Variants in MCU observed in about 807,000 individuals in gnomAD.
MCU encodes calcium uniporter protein, mitochondrial.
Under a neutral mutation model 45.2 loss-of-function variants are expected in MCU, and 12 were observed. That is an observed-to-expected ratio of 0.27 (90% CI 0.17 to 0.43). MCU has a LOEUF of 0.43. Among genes scored for constraint, MCU ranks in the 20% least tolerant of loss-of-function variants. The pLI is 1.00. For missense variants in MCU, 324 were observed against 436.7 expected, an observed-to-expected ratio of 0.74 and a Z score of 2.30; for synonymous variants, 160 against 165.1, an observed-to-expected ratio of 0.97 and a Z score of 0.24.
At chr10:72,854,499 A>AG (rs1845257332) in intron 2 of MCU, among the ~76,000 whole-genome samples, 1 of 152,202 alleles carries the variant, frequency 6.6e-6, no homozygotes, top group African/African-American at 2.4e-5. Context: ...GAATGCAAGC[A>AG]GGGGGAATGG....
intron 1 of MCU, among the ~76,000 whole-genome samples, chr10:72,818,594 CT>C (rs1013847867): frequency 6.6e-6 from 1 of 152,142 alleles, no homozygotes; most frequent in Non-Finnish European, 1.5e-5. Context: ...AATCCCAACA[CT>C]TTGGGAGGCC....
chr10:72,808,711 C>T (rs551592430), intron 1 of MCU, among the ~76,000 whole-genome samples: 54 of 152,196 alleles, frequency 3.5e-4, no homozygotes, highest in South Asian at 1.0e-3. Flanking sequence ...GGCTGGGAGG[C>T]GGAATCATGG....
chr10:72,757,242 G>T (rs1589446838), intron 1 of MCU, among the ~76,000 whole-genome samples: 1 of 152,170 alleles, frequency 6.6e-6, no homozygotes, highest in Non-Finnish European at 1.5e-5. Context: ...AGGAGATGGT[G>T]AGGTAATGTA....
chr10:72,837,896 C>T (rs147497721), intron 2 of MCU, among the ~76,000 whole-genome samples: 8,187 of 142,268 alleles, frequency 0.058, 785 homozygotes, highest in African/African-American at 0.2. Context: ...CTCACTCTGT[C>T]GCCAGGCTGG....
intron 1 of MCU, among the ~76,000 whole-genome samples, chr10:72,825,677 T>C (rs1024117518): frequency 1.3e-5 from 2 of 152,214 alleles, no homozygotes; most frequent in Non-Finnish European, 2.9e-5. Context: ...AAGTAATTGA[T>C]AGACAAGGCC....
At chr10:72,709,403 T>G (rs984444960) in intron 1 of MCU, among the ~76,000 whole-genome samples, 5 of 152,256 alleles carry the variant, frequency 3.3e-5, no homozygotes, top group Admixed American at 1.3e-4. Flanking sequence ...AGTAAAAATC[T>G]AATGAGAAGA....
intron 1 of MCU, among the ~76,000 whole-genome samples, chr10:72,702,929 C>A (rs557089637): frequency 1.3e-5 from 2 of 150,428 alleles, no homozygotes; most frequent in Admixed American, 1.3e-4. Context: ...AGTGAGCTGA[C>A]ATGGTGCCAT....
chr10:72,766,764 G>A (rs931645127), intron 1 of MCU: 2 of 152,020 alleles, frequency 1.3e-5, no homozygotes, highest in East Asian at 1.9e-4. Context: ...GTTGTTTAAC[G>A]CTCTGTCAGT....
chr10:72,778,507 T>TA (rs1843934969), intron 1 of MCU, among the ~76,000 whole-genome samples: 1 of 152,026 alleles, frequency 6.6e-6, no homozygotes, highest in African/African-American at 2.4e-5. Flanking sequence ...GAATGGTAGT[T>TA]ACAGAGGCTG....
intron 1 of MCU, among the ~76,000 whole-genome samples, chr10:72,777,155 C>T (rs1160999382): frequency 1.3e-5 from 2 of 152,118 alleles, no homozygotes; most frequent in Non-Finnish European, 1.5e-5. Context: ...TCAGTGCAAT[C>T]CCTATCAAAA....
intron 6 of MCU, among the ~76,000 whole-genome samples, chr10:72,876,718 G>A (rs990417799): frequency 1.5e-4 from 23 of 152,190 alleles, no homozygotes; most frequent in Admixed American, 7.2e-4. Flanking sequence ...AATTTTACAC[G>A]ATTTCCATCA....
chr10:72,798,703 A>G (rs1247400187), intron 1 of MCU, among the ~76,000 whole-genome samples: 2 of 152,062 alleles, frequency 1.3e-5, no homozygotes, highest in African/African-American at 4.8e-5. Context: ...TCAAAATAAT[A>G]CAGAAGTGTT....
intron 4 of MCU, among the ~76,000 whole-genome samples, chr10:72,866,486 C>G (rs1845458847): frequency 6.6e-6 from 1 of 152,066 alleles, no homozygotes; most frequent in Non-Finnish European, 1.5e-5. Flanking sequence ...CAACCTCTGC[C>G]TCTGGGTTCA....
chr10:72,766,442 G>C (rs1843727949), intron 1 of MCU: 1 of 152,146 alleles, frequency 6.6e-6, no homozygotes, highest in South Asian at 2.1e-4. Context: ...AAATATGCAA[G>C]AAAAAGACAA....
At chr10:72,715,822 G>A (rs561861627) in intron 1 of MCU, 2 of 976,408 alleles carry the variant, frequency 2.0e-6, no homozygotes, top group Admixed American at 6.1e-5. Context: ...TAACAACCAT[G>A]TAAGGGAGAG....
chr10:72,761,474 C>T (rs1843655891), intron 1 of MCU, among the ~76,000 whole-genome samples: 1 of 152,180 alleles, frequency 6.6e-6, no homozygotes, highest in Non-Finnish European at 1.5e-5. Flanking sequence ...TACCTTTTCT[C>T]ACCTTGTCAC....
chr10:72,757,124 C>G (rs571179281), intron 1 of MCU: 5 of 152,102 alleles, frequency 3.3e-5, no homozygotes, highest in African/African-American at 1.2e-4. Flanking sequence ...GTGGTTTTAT[C>G]AGTCAGGGTC....
At chr10:72,863,910 C>T (rs1023883769) in intron 4 of MCU, among the ~76,000 whole-genome samples, 8 of 152,176 alleles carry the variant, frequency 5.3e-5, no homozygotes, top group Admixed American at 5.2e-4. Flanking sequence ...ACCACCATGC[C>T]CTTCCTATTT....
intron 1 of MCU, among the ~76,000 whole-genome samples, chr10:72,808,380 C>T (rs1844487304): frequency 6.6e-6 from 1 of 152,132 alleles, no homozygotes; most frequent in South Asian, 2.1e-4. Flanking sequence ...ATTGCAGAAT[C>T]CAAAGAAATA....
Sources: gnomAD v4.1 joint callset for allele counts (sites outside exome capture counted in the v4.1 genomes callset) on GRCh38, gnomAD v4.1.1 for gene constraint, MANE v1.5 for transcripts, NCBI Gene and HGNC (gene_info 2026-07-23, HGNC 2026-07-21) for gene names.